Variants in DPP10 observed in about 807,000 individuals in gnomAD.
DPP10 encodes the protein inactive dipeptidyl peptidase 10.
A neutral mutation model predicts 120.9 loss-of-function variants in DPP10; 33 were observed. That is an observed-to-expected ratio of 0.27 (90% CI 0.21 to 0.37). DPP10 has a LOEUF of 0.37. Among genes scored for constraint, DPP10 ranks in the 10% least tolerant of loss-of-function variants. The pLI is 1.00. For missense variants in DPP10, 816 were observed against 942.8 expected, an observed-to-expected ratio of 0.87 and a Z score of 1.76; for synonymous variants, 337 against 326.1, an observed-to-expected ratio of 1.03 and a Z score of -0.36.
At chr2:115,689,650 A>G (rs1250062897) in intron 5 of DPP10, 37 bp from the exon 6 acceptor site, 1 of 1,287,260 alleles carries the variant, frequency 7.8e-7, no homozygotes, top group Non-Finnish European at 1.1e-6. Context: ...ACATTAAGAT[A>G]AAGCTATGAT....
In DPP10 at chr2:115,630,507, G is replaced by A. The variant is rs1160222480; in HGVS notation, c.442-59180G>A. ...CTGATTTGCAAGAGGAGTGTTTCCA[G>A]CTTTTGCCCTTTCAATATGATATTG... is the stretch of plus-strand genomic sequence containing the variant. On this transcript the variant is annotated intron_variant, in intron 5 of 25. Transcript: ENST00000410059. Among the ~76,000 whole-genome samples the A allele has an allele frequency of 3.9e-5, 6 of 152,084 alleles. No individual in the cohort carries two copies. In the East Asian group the frequency reaches 9.6e-4, roughly 24 times the overall value.
intron 1 of DPP10, among the ~76,000 whole-genome samples, chr2:114,648,194 A>G (rs930629736): frequency 1.8e-4 from 28 of 152,288 alleles, no homozygotes; most frequent in East Asian, 3.9e-4. Context: ...CACTTGAGTG[A>G]CAAGGGCAAC....
intron 1 of DPP10, among the ~76,000 whole-genome samples, chr2:114,718,601 T>C (rs1051788889): frequency 6.6e-6 from 1 of 152,058 alleles, no homozygotes; most frequent in Non-Finnish European, 1.5e-5. Context: ...GTAAGAGAAG[T>C]TTGACACCTT....
chr2:115,567,422 C>T (rs2081069801), intron 5 of DPP10, among the ~76,000 whole-genome samples: 1 of 152,096 alleles, frequency 6.6e-6, no homozygotes, highest in East Asian at 1.9e-4. Context: ...TATTGTATCT[C>T]CTTCTCTGTT....
chr2:115,575,914 T>C (rs1248598868), intron 5 of DPP10, among the ~76,000 whole-genome samples: 1 of 152,186 alleles, frequency 6.6e-6, no homozygotes, highest in Non-Finnish European at 1.5e-5. Context: ...ATACCTTCAG[T>C]CACAGTCAGC....
At chr2:114,700,527 T>C (rs751524241) in intron 1 of DPP10, among the ~76,000 whole-genome samples, 4 of 152,142 alleles carry the variant, frequency 2.6e-5, no homozygotes, top group Non-Finnish European at 5.9e-5. Flanking sequence ...TGGTTCTTAC[T>C]TCTCTTCTAT....
At chr2:115,527,741 G>A (rs1469150826) in intron 5 of DPP10, among the ~76,000 whole-genome samples, 3 of 152,078 alleles carry the variant, frequency 2.0e-5, no homozygotes, top group Non-Finnish European at 4.4e-5. Flanking sequence ...ATTTACAGAT[G>A]GCAATAAGTA....
At chr2:115,006,785 C>T (rs1178093776) in intron 1 of DPP10, among the ~76,000 whole-genome samples, 1 of 151,888 alleles carries the variant, frequency 6.6e-6, no homozygotes, top group Non-Finnish European at 1.5e-5. Flanking sequence ...TTTAACACCC[C>T]ACTGTCAACA....
intron 1 of DPP10, among the ~76,000 whole-genome samples, chr2:114,883,263 A>G (rs922047669): frequency 3.3e-5 from 5 of 152,140 alleles, no homozygotes; most frequent in Non-Finnish European, 7.3e-5. Context: ...ACAATGACAC[A>G]AGAGCTCTGT....
At chr2:115,793,042 T>G (rs984176640) in intron 19 of DPP10, among the ~76,000 whole-genome samples, 5 of 152,242 alleles carry the variant, frequency 3.3e-5, no homozygotes, top group Non-Finnish European at 7.3e-5. Context: ...CTGAAACAGA[T>G]AAGCTAACTG....
At chr2:114,685,194 C>T (rs1310272144) in intron 1 of DPP10, among the ~76,000 whole-genome samples, 1 of 151,806 alleles carries the variant, frequency 6.6e-6, no homozygotes, top group African/African-American at 2.4e-5. Flanking sequence ...TACCAGGTTC[C>T]TTTCTCACCC....
At position 115,843,669 on chromosome 2, in the gene DPP10, T is replaced by A. The variant is rs1347220381; in HGVS notation, c.*1324T>A. On this transcript the variant is annotated 3_prime_UTR_variant, in exon 26 of 26. Transcript: ENST00000410059. ...GTGTTGACTTGCAGTAGTAAGTAACTGAGAGCATAAAATAAACCTGACTGT... is the reference window on the plus strand; with the variant it reads ...GTGTTGACTTGCAGTAGTAAGTAACAGAGAGCATAAAATAAACCTGACTGT... The A allele has an allele frequency of 6.6e-6, 1 of 152,202 alleles. No individual in the cohort carries two copies. Among genetic ancestry groups the A allele is most frequent in the African/African-American group, 2.4e-5 (1 of 41,462 alleles). The allele number at this position is 152,202 out of a possible 1,614,324, so 9.4% of individuals were successfully genotyped here. A position where few individuals can be genotyped will look rare whatever the true frequency, so the allele number is the denominator to read the frequency against.
chr2:115,605,872 A>C (rs186340907), intron 5 of DPP10, among the ~76,000 whole-genome samples: 1 of 146,782 alleles, frequency 6.8e-6, no homozygotes, highest in East Asian at 1.9e-4. Flanking sequence ...ATTGTCAAAT[A>C]AACTTTAACA....
intron 1 of DPP10, among the ~76,000 whole-genome samples, chr2:115,207,809 G>A (rs1415578524): frequency 7.2e-5 from 11 of 152,046 alleles, no homozygotes; most frequent in Admixed American, 6.6e-5. Context: ...AGGGTTATGC[G>A]AAGATCAGAT....
At chr2:115,006,471 C>A (rs985496921) in intron 1 of DPP10, among the ~76,000 whole-genome samples, 1 of 150,232 alleles carries the variant, frequency 6.7e-6, no homozygotes, top group African/African-American at 2.5e-5. Context: ...TTCAGGAAAC[C>A]CATCTCACAT....
rs1325444424 is a variant in DPP10, at chr2:115,843,169, A to G, written c.*824A>G. On this transcript the variant is annotated 3_prime_UTR_variant, in exon 26 of 26. Transcript: ENST00000410059. ...ATTTTTTCCAATTCAAATTCTAGCTATTGCTTTCCTATAAATGTTTGGGTT... is the reference window on the plus strand; with the variant it reads ...ATTTTTTCCAATTCAAATTCTAGCTGTTGCTTTCCTATAAATGTTTGGGTT... The G allele has an allele frequency of 6.6e-6, 1 of 152,552 alleles. No homozygotes were observed. The highest frequency in any genetic ancestry group is 2.4e-5 in the African/African-American group (1 of 41,430). 9.4% of individuals were successfully genotyped at this position (152,552 alleles called of 1,614,324 possible).
At chr2:114,994,632 C>G (rs1340655536) in intron 1 of DPP10, among the ~76,000 whole-genome samples, 1 of 152,166 alleles carries the variant, frequency 6.6e-6, no homozygotes, top group Non-Finnish European at 1.5e-5. Flanking sequence ...GTCCCTGACA[C>G]CTATACTTGA....
intron 1 of DPP10, among the ~76,000 whole-genome samples, chr2:114,808,337 T>G (rs1351753798): frequency 6.6e-6 from 1 of 152,194 alleles, no homozygotes; most frequent in East Asian, 1.9e-4. Context: ...TAAACATTCT[T>G]TGGTGTGTAT....
At chr2:114,864,154 G>C (rs1369347062) in intron 1 of DPP10, among the ~76,000 whole-genome samples, 1 of 152,220 alleles carries the variant, frequency 6.6e-6, no homozygotes, top group Non-Finnish European at 1.5e-5. Context: ...GTTGTTTGCA[G>C]TATTCTATCA....
Sources: gnomAD v4.1 joint callset for allele counts (sites outside exome capture counted in the v4.1 genomes callset) on GRCh38, gnomAD v4.1.1 for gene constraint, MANE v1.5 for transcripts, NCBI Gene and HGNC (gene_info 2026-07-23, HGNC 2026-07-21) for gene names.